The following PHF14 variants were observed in gnomAD, a reference collection of about 807,000 sequenced individuals.
The protein encoded by PHF14 is PHD finger protein 14.
In PHF14, 55 loss-of-function variants were observed where a neutral mutation model predicts 117.9. That is an observed-to-expected ratio of 0.47 (90% CI 0.38 to 0.58). PHF14 has a LOEUF of 0.58. Among genes scored for constraint, PHF14 ranks in the 20% least tolerant of loss-of-function variants. The probability of loss-of-function intolerance (pLI) is 0.00; values close to 1 mark genes in which losing one functional copy is unlikely to be tolerated. For synonymous variants in PHF14, 409 were observed against 368.6 expected (o/e 1.11, Z -1.26); for missense variants, 978 against 1,122.2 (o/e 0.87, Z 1.84).
chr7:11,059,275 A>G (rs1785125747), intron 14 of PHF14, among the ~76,000 whole-genome samples: 1 of 152,212 alleles, frequency 6.6e-6, no homozygotes, highest in African/African-American at 2.4e-5. Context: ...GAAAACATGA[A>G]CTTGCAGCAT....
At chr7:10,985,196 T>C (rs1168583257) in intron 3 of PHF14, among the ~76,000 whole-genome samples, 1 of 152,190 alleles carries the variant, frequency 6.6e-6, no homozygotes, top group East Asian at 1.9e-4. Flanking sequence ...TGATTAAAGC[T>C]AGTCCTTGTT....
rs1046596301 is a variant in PHF14, at chr7:11,112,973, A to G, written c.2772+1506A>G. 6.6e-5 allele frequency among the ~76,000 whole-genome samples: 10 copies of G among 152,188 alleles called. No homozygotes were observed. The South Asian group carries it at 1.2e-3, about 19-fold the overall frequency. ...ATTTTATTGCACAGTTCAAAAATGT[A>G]TTCCCAAAATTTTATTTAAATGTAA... On this transcript the variant is annotated intron_variant, in intron 17 of 17. Coordinates refer to ENST00000634607, the MANE Select transcript of PHF14 (RefSeq NM_001007157.2).
At chr7:11,156,239 A>G (rs982130620) in intron 17 of PHF14, among the ~76,000 whole-genome samples, 1 of 152,240 alleles carries the variant, frequency 6.6e-6, no homozygotes, top group African/African-American at 2.4e-5. Flanking sequence ...TGACACTGAT[A>G]ATAAAGTGCC....
In PHF14 at chr7:11,159,299, GT is replaced by G. The variant is rs201539409; in HGVS notation, c.2773-10115del. Among the ~76,000 whole-genome samples, 14 of 151,820 alleles carry G rather than the reference GT, an allele frequency of 9.2e-5. No individual in the cohort carries two copies. In the East Asian group the frequency reaches 2.5e-3, roughly 27 times the overall value. The stretch of plus-strand genomic sequence containing the variant: ...TGTGATCTATAACTATTTTTTTTAA[GT>G]TCTGGGGTGCAGAATGTGCAGGTTT... On this transcript the variant is annotated intron_variant, in intron 17 of 17. Transcript: ENST00000634607.
intron 16 of PHF14, among the ~76,000 whole-genome samples, chr7:11,096,362 T>C (rs370037590): frequency 7.1e-4 from 108 of 152,300 alleles, no homozygotes; most frequent in Non-Finnish European, 1.1e-3. Flanking sequence ...ATTTCACTTA[T>C]AGGAGAAAGG....
chr7:11,105,536 A>C, intron 16 of PHF14: 9 of 979,976 alleles, frequency 9.2e-6, no homozygotes, highest in Non-Finnish European at 1.1e-5. Flanking sequence ...ATTTTTAAAA[A>C]AATTTAAAAA....
chr7:11,143,918 A>G (rs1788469150), intron 17 of PHF14, among the ~76,000 whole-genome samples: 1 of 152,162 alleles, frequency 6.6e-6, no homozygotes, highest in South Asian at 2.1e-4. Flanking sequence ...AAAGGAAACA[A>G]TCAACAGAGT....
intron 16 of PHF14, among the ~76,000 whole-genome samples, chr7:11,076,141 A>G (rs941802600): frequency 9.2e-5 from 14 of 152,196 alleles, no homozygotes; most frequent in African/African-American, 3.4e-4. Flanking sequence ...TTGCGTAACT[A>G]GAAAGTGTTG....
Position 10,982,787 on chromosome 7 carries a change from A to G in PHF14, c.528A>G (p.Gln176=). The part of the protein sequence containing the change: ...VPTTTTATEE[Q]VSEPKKWNLR... ...CTACGACAACCGCTACAGAGGAACA[A>G]GTCAGCGAGCCAAAAAAATGGAACC... Residue 176 remains glutamine (Q), a synonymous_variant, in exon 3 of 18, where the codon CAA becomes CAG. Transcript: ENST00000634607. 3.1e-6 allele frequency: 5 copies of G among 1,613,978 alleles called. No individual in the cohort carries two copies. Among genetic ancestry groups the G allele is most frequent in the Non-Finnish European group, 4.2e-6 (5 of 1,179,884 alleles).
intron 2 of PHF14, among the ~76,000 whole-genome samples, chr7:10,981,318 A>C (rs1399309298): frequency 6.6e-6 from 1 of 152,150 alleles, no homozygotes; most frequent in Non-Finnish European, 1.5e-5. Flanking sequence ...GCTAAGACTT[A>C]ACTGGTTTCT....
chr7:11,130,359 G>A lies in PHF14; in HGVS notation c.2772+18892G>A, dbSNP rs1381665655. Among the ~76,000 whole-genome samples the A allele has an allele frequency of 6.6e-6, 1 of 151,910 alleles. No individual in the cohort carries two copies. Among genetic ancestry groups the A allele is most frequent in the Non-Finnish European group, 1.5e-5 (1 of 67,914 alleles). Reference sequence around the variant, plus strand: ...CATTCCAGGATTCAAGGAAATCCTTGGAGAGAGAGAGAACGTATATACAAT... The same window carrying A: ...CATTCCAGGATTCAAGGAAATCCTTAGAGAGAGAGAGAACGTATATACAAT... On this transcript the variant is annotated intron_variant, in intron 17 of 17. Coordinates refer to ENST00000634607, the MANE Select transcript of PHF14 (RefSeq NM_001007157.2). The surrounding 1 kb of genome is among the most constrained non-coding windows in gnomAD (Gnocchi z 4.2).
At chr7:11,055,371 A>G (rs183892751) in intron 14 of PHF14, among the ~76,000 whole-genome samples, 47 of 152,292 alleles carry the variant, frequency 3.1e-4, no homozygotes, top group African/African-American at 1.1e-3. Flanking sequence ...CATCTTTTGT[A>G]GAAGTGCCAA....
chr7:11,116,052 A>T (rs1468966194), intron 17 of PHF14, among the ~76,000 whole-genome samples: 1 of 152,130 alleles, frequency 6.6e-6, no homozygotes, highest in South Asian at 2.1e-4. Flanking sequence ...ACTATGTAAA[A>T]ATATCCTATT....
intron 16 of PHF14, among the ~76,000 whole-genome samples, chr7:11,082,635 A>G (rs768213450): frequency 1.4e-4 from 22 of 152,144 alleles, no homozygotes; most frequent in Admixed American, 9.2e-4. Context: ...TTATATCACA[A>G]TTACTAGAAG....
intron 4 of PHF14, among the ~76,000 whole-genome samples, chr7:10,998,137 AG>A (rs1339437271): frequency 2.0e-5 from 3 of 152,190 alleles, no homozygotes; most frequent in Admixed American, 6.5e-5. Context: ...GCAAGATTAG[AG>A]GGGATGAGAT....
At chr7:10,978,807 G>A (rs565474227) in intron 2 of PHF14, among the ~76,000 whole-genome samples, 53 of 152,000 alleles carry the variant, frequency 3.5e-4, no homozygotes, top group African/African-American at 1.3e-3. Flanking sequence ...GTTGTCCTCT[G>A]GGGGAAAAAA....
chr7:11,134,552 C>T lies in PHF14; in HGVS notation c.2772+23085C>T, dbSNP rs138805215. On this transcript the variant is annotated intron_variant, in intron 17 of 17. Transcript: ENST00000634607. ...TTGAAAAATATTGATCTCATCCAAG[C>T]GCTTTATTTTACAGATGAGGAAAGT... is the stretch of plus-strand genomic sequence containing the variant. Among the ~76,000 whole-genome samples the T allele has an allele frequency of 9.1e-4, 139 of 152,024 alleles. 2 individuals carry two copies. The East Asian group carries it at 0.019, about 21-fold the overall frequency.
At position 10,982,688 on chromosome 7, in the gene PHF14, T is replaced by G. The variant is rs746873034; in HGVS notation, c.429T>G (p.Asn143Lys). Residue 143 changes from asparagine to lysine, a missense_variant, in exon 3 of 18, where the codon AAT (asparagine) becomes AAG (lysine). Transcript: ENST00000634607. The part of the protein sequence containing the change: ...KEKEKATVSE[N>K]VAASAAATTP... ...AAGAAAAAGCAACAGTATCTGAGAA[T>G]GTGGCTGCTTCTGCTGCTGCCACCA... is the stretch of plus-strand genomic sequence containing the variant. 47 of 1,603,586 alleles carry G rather than the reference T, an allele frequency of 2.9e-5. No homozygotes were observed. Among genetic ancestry groups the G allele is most frequent in the Middle Eastern group, 1.6e-4 (1 of 6,084 alleles).
At chr7:10,984,007 G>A (rs1232668841) in intron 3 of PHF14, among the ~76,000 whole-genome samples, 2 of 152,090 alleles carry the variant, frequency 1.3e-5, no homozygotes, top group Non-Finnish European at 2.9e-5. Context: ...ACATGTAGAT[G>A]TATCTGTTAC....
Sources: gnomAD v4.1 joint callset for allele counts (sites outside exome capture counted in the v4.1 genomes callset) on GRCh38, gnomAD v4.1.1 for gene constraint, Gnocchi (gnomAD v3.1) non-coding constraint, MANE v1.5 for transcripts, NCBI Gene and HGNC (gene_info 2026-07-23, HGNC 2026-07-21) for gene names.